Variants in SHOC1 observed in about 807,000 individuals in gnomAD.
SHOC1 encodes the protein protein shortage in chiasmata 1 ortholog.
In SHOC1, 136 loss-of-function variants were observed where a neutral mutation model predicts 179.2. The ratio of observed to expected loss-of-function variants is 0.76; its 90% CI spans 0.66 to 0.87. SHOC1 has a LOEUF of 0.87. SHOC1 is among the 40% of genes least tolerant of loss of function. SHOC1 has a pLI of 0.00. For missense variants in SHOC1, 1,538 were observed against 1,700.8 expected (o/e 0.90, Z 1.68); for synonymous variants, 489 against 586.6 (o/e 0.83, Z 2.41).
chr9:111,779,352 CT>C (rs1180212074), intron 4 of SHOC1, among the ~76,000 whole-genome samples: 1 of 152,120 alleles, frequency 6.6e-6, no homozygotes, highest in East Asian at 1.9e-4. Context: ...AGTGTTAATG[CT>C]GCCAGTCCAA....
intron 8 of SHOC1, among the ~76,000 whole-genome samples, chr9:111,754,507 G>A (rs1013839983): frequency 1.3e-5 from 2 of 152,136 alleles, no homozygotes; most frequent in African/African-American, 4.8e-5. Context: ...ACACATTGTT[G>A]GTGGGAATGA....
At chr9:111,768,005 T>A (rs1835420758) in intron 5 of SHOC1, among the ~76,000 whole-genome samples, 1 of 152,092 alleles carries the variant, frequency 6.6e-6, no homozygotes, top group South Asian at 2.1e-4. Context: ...TTTCAATTCA[T>A]GAGTATGAAA....
At chr9:111,728,335 G>C (rs1833403412) in intron 12 of SHOC1, among the ~76,000 whole-genome samples, 1 of 152,038 alleles carries the variant, frequency 6.6e-6, no homozygotes, top group African/African-American at 2.4e-5. Flanking sequence ...ACCCTTGCAG[G>C]TAACAGTTAC....
chr9:111,757,309 A>C (rs1466265072), intron 7 of SHOC1, among the ~76,000 whole-genome samples: 2 of 152,048 alleles, frequency 1.3e-5, no homozygotes, highest in Non-Finnish European at 2.9e-5. Flanking sequence ...TCACCATGTT[A>C]GCCAGGATGG....
rs541813215 is a variant in SHOC1, at chr9:111,751,023, T to C, written c.863-2824A>G. ...TCCATCTTGAGTTAATTCTTGTATA[T>C]GGTGTAAGAAAGGGGTCCAGTTTCA... On this transcript the variant is annotated intron_variant, in intron 8 of 27. Transcript: ENST00000682961. 3.3e-5 allele frequency among the ~76,000 whole-genome samples: 5 copies of C among 152,286 alleles called. No homozygotes were observed. In the South Asian group the frequency reaches 1.0e-3, roughly 32 times the overall value.
intron 24 of SHOC1, among the ~76,000 whole-genome samples, chr9:111,694,788 TAA>T: frequency 6.6e-6 from 1 of 152,040 alleles, no homozygotes; most frequent in African/African-American, 2.4e-5. Flanking sequence ...AAGACAAAGT[TAA>T]AAAATAAGGA....
intron 5 of SHOC1, among the ~76,000 whole-genome samples, chr9:111,772,020 A>G (rs1326004067): frequency 6.6e-6 from 1 of 151,958 alleles, no homozygotes; most frequent in African/African-American, 2.4e-5. Context: ...CTCCCTTTTG[A>G]ACATCAAGAA....
chr9:111,746,353 T>A lies in SHOC1; in HGVS notation c.971-11A>T. On this transcript the variant is annotated splice_polypyrimidine_tract_variant and intron_variant, in intron 9 of 27. Coordinates refer to ENST00000682961, the MANE Select transcript of SHOC1 (RefSeq NM_001378211.1). ...GCATTTCTAACTCTCCTGGAATATA[T>A]GAAAATTAAAGTTATGTAAACATTG... The A allele has an allele frequency of 6.5e-7, 1 of 1,546,522 alleles. No individual in the cohort carries two copies. Among genetic ancestry groups the A allele is most frequent in the Non-Finnish European group, 8.9e-7 (1 of 1,119,670 alleles).
At chr9:111,729,975 T>C (rs1019266748) in intron 12 of SHOC1, among the ~76,000 whole-genome samples, 1 of 152,196 alleles carries the variant, frequency 6.6e-6, no homozygotes, top group African/African-American at 2.4e-5. Flanking sequence ...AATCCTTTGT[T>C]GTCATTACAA....
intron 8 of SHOC1, among the ~76,000 whole-genome samples, chr9:111,752,696 T>C (rs1018572326): frequency 6.6e-6 from 1 of 152,004 alleles, no homozygotes; most frequent in South Asian, 2.1e-4. Flanking sequence ...TGCTAAAAGA[T>C]GTAAAGAAAA....
chr9:111,702,214 A>C lies in SHOC1; in HGVS notation c.2980T>G (p.Leu994Val), dbSNP rs150633880. 1.4e-6 allele frequency: 2 copies of C among 1,434,700 alleles called. No individual in the cohort carries two copies. Among genetic ancestry groups the C allele is most frequent in the Non-Finnish European group, 2.0e-6 (2 of 1,023,166 alleles). The allele number at this position is 1,434,700 out of a possible 1,614,324, so 88.9% of individuals were successfully genotyped here. The change falls in exon 23 of 28, where the codon TTG (leucine) becomes GTG (valine). Residue 994 changes from leucine (L) to valine (V), a missense_variant. Transcript: ENST00000682961. ...TAIILQDLEE[L>V]NYEKASDNII... ...TTGTCTGATGCCTTCTCATAATTCA[A>C]TTCTTCTAGATCCTATCAGAAAATA... is the stretch of plus-strand genomic sequence containing the variant.
intron 12 of SHOC1, chr9:111,738,069 C>T (rs1345737819): frequency 2.2e-6 from 1 of 458,672 alleles, no homozygotes; most frequent in Non-Finnish European, 3.8e-6. Context: ...TAGGACATAA[C>T]AAGATTTTAG....
chr9:111,704,624 A>G (rs1016959380), intron 21 of SHOC1, among the ~76,000 whole-genome samples: 1 of 152,368 alleles, frequency 6.6e-6, no homozygotes, highest in Admixed American at 6.5e-5. Context: ...TGGAACATAC[A>G]TCTGCATTTT....
At chr9:111,703,312 G>A (rs148516797) in intron 22 of SHOC1, among the ~76,000 whole-genome samples, 1 of 151,976 alleles carries the variant, frequency 6.6e-6, no homozygotes, top group Non-Finnish European at 1.5e-5. Context: ...ATCAAACCTG[G>A]TTTCTGCTCC....
chr9:111,737,984 A>G (rs1833882112), intron 12 of SHOC1: 1 of 382,524 alleles, frequency 2.6e-6, no homozygotes. Context: ...CTAGCAATTT[A>G]ATCATTTATA....
chr9:111,732,088 A>G (rs1438398197), intron 12 of SHOC1, among the ~76,000 whole-genome samples: 2 of 152,230 alleles, frequency 1.3e-5, no homozygotes, highest in Non-Finnish European at 2.9e-5. Context: ...TAAAACCACA[A>G]TGAAATAACC....
chr9:111,756,518 T>C (rs750221408), intron 7 of SHOC1, 40 bp from the exon 8 acceptor site: 2 of 1,541,154 alleles, frequency 1.3e-6, no homozygotes, highest in Admixed American at 4.4e-5. Context: ...AGAGAGGCTT[T>C]CCAAATAAAT....
intron 24 of SHOC1, among the ~76,000 whole-genome samples, chr9:111,699,215 CAT>C (rs1407380851): frequency 6.6e-6 from 1 of 152,120 alleles, no homozygotes; most frequent in African/African-American, 2.4e-5. Flanking sequence ...GAAGGAGAGA[CAT>C]ACTCTAGATA....
chr9:111,745,083 A>G (rs74506564), intron 10 of SHOC1, among the ~76,000 whole-genome samples: 231 of 152,322 alleles, frequency 1.5e-3, no homozygotes, highest in African/African-American at 4.9e-3. Context: ...GACCACATTG[A>G]CAAGAGGTGA....
Sources: gnomAD v4.1 joint callset for allele counts (sites outside exome capture counted in the v4.1 genomes callset) on GRCh38, gnomAD v4.1.1 for gene constraint, MANE v1.5 for transcripts, NCBI Gene and HGNC (gene_info 2026-07-23, HGNC 2026-07-21) for gene names.